Variants in METTL16 observed in about 807,000 individuals in gnomAD.
METTL16 encodes methyltransferase 16, RNA N6-adenosine.
METTL16 carries 19 observed loss-of-function variants against 57.9 expected under a neutral mutation model. The ratio of observed to expected loss-of-function variants is 0.33; its 90% CI spans 0.23 to 0.48. METTL16 has a LOEUF of 0.48. Ranked by LOEUF, METTL16 falls within the 20% of genes least tolerant of loss-of-function variation. The pLI is 0.99. For missense variants in METTL16, 434 were observed against 691.5 expected, an observed-to-expected ratio of 0.63 and a Z score of 4.18; for synonymous variants, 246 against 255.6, an observed-to-expected ratio of 0.96 and a Z score of 0.36.
chr17:2,422,082 C>G (rs2066770703), intron 8 of METTL16, among the ~76,000 whole-genome samples: 1 of 152,154 alleles, frequency 6.6e-6, no homozygotes, highest in South Asian at 2.1e-4. Flanking sequence ...GAGGCCGAAG[C>G]AGGCAGATCA....
intron 4 of METTL16, among the ~76,000 whole-genome samples, chr17:2,470,568 G>A (rs2067228716): frequency 6.6e-6 from 1 of 152,148 alleles, no homozygotes; most frequent in Non-Finnish European, 1.5e-5. Flanking sequence ...CAGCACTTTG[G>A]GAGGCTGAGG....
chr17:2,437,597 G>A (rs1429622100), intron 8 of METTL16, among the ~76,000 whole-genome samples: 3 of 152,074 alleles, frequency 2.0e-5, no homozygotes, highest in Admixed American at 2.0e-4. Flanking sequence ...TGTGGCCCAG[G>A]CTGGAGTGCA....
intron 1 of METTL16, 50 bp downstream of exon 1, chr17:2,511,709 G>A (rs565792839): frequency 1.3e-5 from 5 of 396,852 alleles, no homozygotes; most frequent in African/African-American, 8.2e-5. Flanking sequence ...TGATCCACGG[G>A]TTAAGTGACC....
chr17:2,473,439 T>C, intron 4 of METTL16, 85 bp downstream of exon 4: 1 of 1,443,720 alleles, frequency 6.9e-7, no homozygotes, highest in Non-Finnish European at 9.3e-7. Context: ...AGTCTGTGTA[T>C]TAAAGAAAAA....
intron 2 of METTL16, among the ~76,000 whole-genome samples, chr17:2,498,463 C>T (rs1288480202): frequency 4.6e-5 from 7 of 151,310 alleles, no homozygotes; most frequent in African/African-American, 1.7e-4. Context: ...ATCAGCTGGG[C>T]GCGGTGGCTC....
chr17:2,491,062 CAA>C (rs1455640986), intron 2 of METTL16, among the ~76,000 whole-genome samples: 1 of 152,112 alleles, frequency 6.6e-6, no homozygotes, highest in Non-Finnish European at 1.5e-5. Context: ...TTTTGTTGGG[CAA>C]AGTCAAGTCA....
intron 1 of METTL16, among the ~76,000 whole-genome samples, chr17:2,509,713 G>A (rs1160414406): frequency 6.6e-6 from 1 of 152,114 alleles, no homozygotes; most frequent in Non-Finnish European, 1.5e-5. Context: ...CCAACATGGA[G>A]ACCATCCTGG....
chr17:2,446,622 C>CTCTCCCTCCACGGTCTCCT (rs1181985309), intron 6 of METTL16, among the ~76,000 whole-genome samples: 3 of 151,508 alleles, frequency 2.0e-5, no homozygotes, highest in Non-Finnish European at 4.4e-5. Flanking sequence ...CTCCCTCTCC[C>CTCTCCCTCCACGGTCTCCT]TCCACGGTCT....
chr17:2,469,228 ACT>A (rs1368193555), intron 4 of METTL16, among the ~76,000 whole-genome samples: 3 of 152,132 alleles, frequency 2.0e-5, no homozygotes, highest in East Asian at 1.9e-4. Flanking sequence ...ACACAGCAAG[ACT>A]CTGTCTCAAA....
At chr17:2,472,519 GT>G (rs2151567396) in intron 4 of METTL16, among the ~76,000 whole-genome samples, 1 of 152,240 alleles carries the variant, frequency 6.6e-6, no homozygotes, top group East Asian at 1.9e-4. Context: ...ATTTGTAATT[GT>G]CAAAATTCGA....
At chr17:2,423,152 G>A (rs1019763623) in intron 8 of METTL16, among the ~76,000 whole-genome samples, 1 of 152,098 alleles carries the variant, frequency 6.6e-6, no homozygotes, top group Non-Finnish European at 1.5e-5. Flanking sequence ...ATTACTGGGG[G>A]ACGTCTTCTA....
At chr17:2,507,192 AAGG>A (rs2067547242) in intron 1 of METTL16, among the ~76,000 whole-genome samples, 1 of 138,224 alleles carries the variant, frequency 7.2e-6, no homozygotes, top group Admixed American at 7.2e-5. Flanking sequence ...CCCGTCCGGG[AAGG>A]AGGTGAGGGG....
intron 2 of METTL16, among the ~76,000 whole-genome samples, chr17:2,490,931 A>G (rs1239791861): frequency 1.3e-5 from 2 of 152,240 alleles, no homozygotes; most frequent in Non-Finnish European, 2.9e-5. Context: ...CAAGACATTA[A>G]GCTGAGGCTA....
chr17:2,463,557 G>T (rs1288769065), intron 6 of METTL16, among the ~76,000 whole-genome samples: 1 of 151,984 alleles, frequency 6.6e-6, no homozygotes, highest in Admixed American at 6.6e-5. Flanking sequence ...TGCCTCCTGG[G>T]TTCAAGCGAT....
chr17:2,432,699 T>A (rs945146501), intron 8 of METTL16, among the ~76,000 whole-genome samples: 2 of 151,360 alleles, frequency 1.3e-5, no homozygotes, highest in Non-Finnish European at 1.5e-5. Flanking sequence ...AGAGGAGGAA[T>A]CTCCAGGCAG....
intron 8 of METTL16, among the ~76,000 whole-genome samples, chr17:2,431,943 A>G (rs2066876331): frequency 7.5e-6 from 1 of 133,596 alleles, no homozygotes; most frequent in Non-Finnish European, 1.5e-5. Flanking sequence ...ATGTGACTCA[A>G]TATTTTTTTT....
chr17:2,441,196 A>G (rs1018529959), intron 7 of METTL16, among the ~76,000 whole-genome samples: 8 of 152,144 alleles, frequency 5.3e-5, no homozygotes, highest in Non-Finnish European at 1.0e-4. Flanking sequence ...GAAACAACTG[A>G]GACAAATACC....
At chr17:2,483,690 C>T (rs62068163) in intron 2 of METTL16, among the ~76,000 whole-genome samples, 4 of 152,086 alleles carry the variant, frequency 2.6e-5, no homozygotes, top group Admixed American at 1.3e-4. Flanking sequence ...ATTTCTTACT[C>T]GACTAAAAGC....
At chr17:2,492,200 G>T (rs747215783) in intron 2 of METTL16, among the ~76,000 whole-genome samples, 1 of 152,146 alleles carries the variant, frequency 6.6e-6, no homozygotes, top group Non-Finnish European at 1.5e-5. Flanking sequence ...GACAGAGCAA[G>T]ACTCCGTCTC....
Sources: gnomAD v4.1 joint callset for allele counts (sites outside exome capture counted in the v4.1 genomes callset) on GRCh38, gnomAD v4.1.1 for gene constraint, MANE v1.5 for transcripts, NCBI Gene and HGNC (gene_info 2026-07-23, HGNC 2026-07-21) for gene names.